The following C1orf94 variants were observed in gnomAD, a reference collection of about 807,000 sequenced individuals.
C1orf94 encodes the protein uncharacterized protein C1orf94.
C1orf94 carries 45 observed loss-of-function variants against 53.6 expected under a neutral mutation model. The observed-to-expected ratio is 0.84, with a 90% confidence interval of 0.66 to 1.08. The LOEUF is 1.08. Ranked by LOEUF, C1orf94 falls within the 50% of genes least tolerant of loss-of-function variation. C1orf94 has a pLI of 0.00. For missense variants in C1orf94, 762 were observed against 738.9 expected (o/e 1.03, Z -0.36); for synonymous variants, 304 against 296.1 (o/e 1.03, Z -0.27).
chr1:34,197,527 C>T lies in C1orf94; in HGVS notation c.623C>T (p.Thr208Ile). The T allele has an allele frequency of 1.2e-6, 2 of 1,614,162 alleles. No homozygotes were observed. Among genetic ancestry groups the T allele is most frequent in the Middle Eastern group, 3.3e-4 (2 of 6,062 alleles). Residue 208 changes from threonine (T) to isoleucine (I), a missense_variant, in exon 2 of 7, where the codon ACA becomes ATA. By Grantham distance (89) the Thr-to-Ile change is moderately conservative. Transcript: ENST00000488417. This position sits in a 1 kb window ranked among gnomAD's most constrained non-coding sequence, Gnocchi z 4.1. ...QDCDSATSTV[T>I]DILCAAEVKS... is the part of the protein sequence containing the mutation. ...TGTGATTCTGCCACTTCTACTGTCA[C>T]AGACATTCTGTGTGCCGCCGAGGTC...
At chr1:34,216,192 A>G (rs1360034828) in intron 6 of C1orf94, among the ~76,000 whole-genome samples, 1 of 151,958 alleles carries the variant, frequency 6.6e-6, no homozygotes, top group Non-Finnish European at 1.5e-5. Context: ...CTCAGGGGAG[A>G]GGTTGGGGCT....
chr1:34,202,297 G>C, intron 4 of C1orf94, 38 bp downstream of exon 4: 1 of 1,598,972 alleles, frequency 6.3e-7, no homozygotes, highest in South Asian at 1.1e-5. Context: ...GGACATCCAC[G>C]GGGGTTTTGG....
rs1003750022 is a variant in C1orf94 at position 34,212,344 on chromosome 1, C to T, written c.1659C>T (p.Asn553=). ...PQRTPPKMSA[N]PRDPPLMAGD... ...GGACACCTCCAAAGATGTCTGCCAA[C>T]CCCCGAGACCCTCCCCTAATGGCAG... is the stretch of plus-strand genomic sequence containing the variant. The change falls in exon 6 of 7, where the codon AAC becomes AAT. Residue 553 remains asparagine, a synonymous_variant. Transcript: ENST00000488417. The T allele has an allele frequency of 1.9e-6, 3 of 1,613,850 alleles. No homozygotes were observed. Among genetic ancestry groups the T allele is most frequent in the Admixed American group, 3.3e-5 (2 of 59,980 alleles).
chr1:34,172,719 C>T (rs1340647431), upstream of C1orf94, among the ~76,000 whole-genome samples: 1 of 152,222 alleles, frequency 6.6e-6, no homozygotes, highest in Non-Finnish European at 1.5e-5. Context: ...GCTTTGCTTG[C>T]AGAATATTCA....
Position 34,188,464 on chromosome 1 carries a change from CTTT to C in C1orf94, c.321-8760_321-8758del, listed in dbSNP as rs781208874. Among the ~76,000 whole-genome samples the C allele has an allele frequency of 4.6e-4, 70 of 152,262 alleles. 1 individual carries two copies. The highest frequency in any genetic ancestry group is 8.5e-4 in the Non-Finnish European group (58 of 68,020). ...CTGAGAGATTTCACGGTGTTGCCTT[CTTT>C]AAGTCTGAGTATCACCATCCCCACT... On this transcript the variant is annotated intron_variant, in intron 1 of 6. Coordinates refer to ENST00000488417, the MANE Select transcript of C1orf94 (RefSeq NM_001134734.2).
intron 2 of C1orf94, among the ~76,000 whole-genome samples, chr1:34,198,899 T>C (rs1038447459): frequency 3.3e-5 from 5 of 152,156 alleles, no homozygotes; most frequent in Non-Finnish European, 7.3e-5. Flanking sequence ...GGTTGAGCTC[T>C]TCCCAGAGAG....
intron 1 of C1orf94, among the ~76,000 whole-genome samples, chr1:34,196,465 GGCCAT>G (rs1378715313): frequency 6.6e-6 from 1 of 152,128 alleles, no homozygotes; most frequent in Non-Finnish European, 1.5e-5. Context: ...TCGGGTCAGA[GGCCAT>G]GCCAGAGTGA....
chr1:34,181,593 C>G (rs1026235956), intron 1 of C1orf94, among the ~76,000 whole-genome samples: 2 of 152,212 alleles, frequency 1.3e-5, no homozygotes, highest in African/African-American at 4.8e-5. Flanking sequence ...TCCCTGCCTT[C>G]CTAGAGCTCA....
At position 34,197,041 on chromosome 1, in the gene C1orf94, G is replaced by C. The variant is rs113354683; in HGVS notation, c.321-184G>C. On this transcript the variant is annotated intron_variant, in intron 1 of 6. Coordinates refer to ENST00000488417, the MANE Select transcript of C1orf94 (RefSeq NM_001134734.2). This position sits in a 1 kb window ranked among gnomAD's most constrained non-coding sequence, Gnocchi z 4.1. ...TTTTCAAAACCATGCTCTCAGTGCTGCATCCTACCGCTGTGGTATAGGACC... is the reference window on the plus strand; with the variant it reads ...TTTTCAAAACCATGCTCTCAGTGCTCCATCCTACCGCTGTGGTATAGGACC... Among the ~76,000 whole-genome samples, 1,238 of 152,320 alleles carry C rather than the reference G, an allele frequency of 8.1e-3. 16 individuals are homozygous for C. Among genetic ancestry groups the C allele is most frequent in the African/African-American group, 0.028 (1,162 of 41,560 alleles).
chr1:34,200,901 C>T lies in C1orf94; in HGVS notation c.1139C>T (p.Thr380Ile). Residue 380 changes from threonine (T) to isoleucine (I), a missense_variant, in exon 3 of 7, where the codon ACC becomes ATC. Physicochemically the swap from Thr to Ile is moderately conservative, Grantham distance 89 (BLOSUM62 -1). Transcript: ENST00000488417. ...GACGCAGTGGGCACCGCATCACTGA[C>T]CCTGCCGCCCAAGAAACCTACATGT... The part of the protein sequence containing the change: ...CCDAVGTASL[T>I]LPPKKPTCPA... The T allele has an allele frequency of 1.9e-6, 3 of 1,614,164 alleles. No individual in the cohort carries two copies. Among genetic ancestry groups the T allele is most frequent in the Non-Finnish European group, 2.5e-6 (3 of 1,180,034 alleles).
intron 1 of C1orf94, among the ~76,000 whole-genome samples, chr1:34,189,361 C>T (rs542929794): frequency 4.9e-5 from 7 of 141,566 alleles, no homozygotes; most frequent in Admixed American, 2.8e-4. Context: ...GTGTGTGTGG[C>T]GGGGGGTGGC....
chr1:34,210,418 A>G (rs297792), intron 5 of C1orf94, among the ~76,000 whole-genome samples: 5,584 of 152,290 alleles, frequency 0.037, 250 homozygotes, highest in African/African-American at 0.11. Flanking sequence ...GACACAGCAT[A>G]GAGAGGCTAG....
intron 1 of C1orf94, among the ~76,000 whole-genome samples, chr1:34,180,160 A>G (rs1409830595): frequency 1.3e-5 from 2 of 152,154 alleles, no homozygotes; most frequent in African/African-American, 4.8e-5. Flanking sequence ...TGCCAAATGG[A>G]GATTAATACT....
rs1034300091 is a variant in C1orf94 at position 34,205,755 on chromosome 1, T to C, written c.1447-2402T>C. Among the ~76,000 whole-genome samples, 8 of 152,178 alleles carry C rather than the reference T, an allele frequency of 5.3e-5. No homozygotes were observed. In the East Asian group the frequency reaches 1.5e-3, roughly 29 times the overall value. On this transcript the variant is annotated intron_variant, in intron 4 of 6. Transcript: ENST00000488417. ...GCCTGGTCTTTTCCCTGTTTAGCAC[T>C]GGGAATAAAGATAAGGTCCCAAATC...
At chr1:34,205,996 C>T (rs1372946517) in intron 4 of C1orf94, among the ~76,000 whole-genome samples, 1 of 152,202 alleles carries the variant, frequency 6.6e-6, no homozygotes, top group Non-Finnish European at 1.5e-5. Flanking sequence ...GCAATTCTAA[C>T]AACTAGAAAT....
chr1:34,196,895 T>C (rs1252573825), intron 1 of C1orf94, among the ~76,000 whole-genome samples: 1 of 152,144 alleles, frequency 6.6e-6, no homozygotes, highest in African/African-American at 2.4e-5. Context: ...TGGTCTTTCA[T>C]TGCTTCAGGT....
At chr1:34,187,663 A>C (rs773196443) in intron 1 of C1orf94, among the ~76,000 whole-genome samples, 3 of 151,304 alleles carry the variant, frequency 2.0e-5, no homozygotes, top group Non-Finnish European at 4.4e-5. Flanking sequence ...TTTAAAGACA[A>C]TTTGAACAAT....
chr1:34,172,143 A>T (rs1338868336), upstream of C1orf94, among the ~76,000 whole-genome samples: 1 of 152,218 alleles, frequency 6.6e-6, no homozygotes, highest in Non-Finnish European at 1.5e-5. Context: ...CTCGCCAGGA[A>T]TCCTTGGCAT....
intron 3 of C1orf94, 95 bp downstream of exon 3, chr1:34,201,127 T>C (rs555513893): frequency 1.4e-6 from 2 of 1,475,048 alleles, no homozygotes; most frequent in Non-Finnish European, 1.8e-6. Context: ...GGCTGTCTTA[T>C]CTACTGCCTT....
Sources: gnomAD v4.1 joint callset for allele counts (sites outside exome capture counted in the v4.1 genomes callset) on GRCh38, gnomAD v4.1.1 for gene constraint, Gnocchi (gnomAD v3.1) non-coding constraint, MANE v1.5 for transcripts, NCBI Gene and HGNC (gene_info 2026-07-23, HGNC 2026-07-21) for gene names.